The following CHN2 variants were observed in gnomAD, a reference collection of about 807,000 sequenced individuals.
CHN2 encodes beta-chimaerin.
CHN2 carries 35 observed loss-of-function variants against 56.3 expected under a neutral mutation model. That is an observed-to-expected ratio of 0.62 (90% CI 0.47 to 0.82). CHN2 has a LOEUF of 0.82. Among genes scored for constraint, CHN2 ranks in the 40% least tolerant of loss-of-function variants. CHN2 has a pLI of 0.00. For missense variants in CHN2, 491 were observed against 580.5 expected, an observed-to-expected ratio of 0.85 and a Z score of 1.58; for synonymous variants, 210 against 212.8, an observed-to-expected ratio of 0.99 and a Z score of 0.12.
At chr7:29,404,433 A>G (rs1305464871) in intron 6 of CHN2, among the ~76,000 whole-genome samples, 2 of 152,200 alleles carry the variant, frequency 1.3e-5, no homozygotes, top group East Asian at 3.8e-4. Context: ...AGCACATTTA[A>G]GAATATATTA....
intron 7 of CHN2, among the ~76,000 whole-genome samples, chr7:29,480,775 G>A (rs1787111783): frequency 6.6e-6 from 1 of 152,204 alleles, no homozygotes; most frequent in Non-Finnish European, 1.5e-5. Flanking sequence ...TTTGTGTTTT[G>A]TCTTTTGTTT....
At chr7:29,245,017 T>C (rs1787962490) in intron 1 of CHN2, among the ~76,000 whole-genome samples, 1 of 152,192 alleles carries the variant, frequency 6.6e-6, no homozygotes, top group African/African-American at 2.4e-5. Flanking sequence ...TTACCTATGG[T>C]TTCTTGAACA....
At chr7:29,236,209 G>T (rs941974241) in intron 1 of CHN2, among the ~76,000 whole-genome samples, 3 of 152,224 alleles carry the variant, frequency 2.0e-5, no homozygotes, top group Non-Finnish European at 4.4e-5. Context: ...GGGAAGAGTA[G>T]AATTTCTGTG....
At chr7:29,504,719 C>A in intron 9 of CHN2, 25 bp from the exon 10 acceptor site, 1 of 1,418,066 alleles carries the variant, frequency 7.1e-7, no homozygotes, top group Non-Finnish European at 9.7e-7. Flanking sequence ...AAGCTAAAGT[C>A]AGTCTCTCTC....
At chr7:29,340,449 G>A (rs1235152540) in intron 1 of CHN2, among the ~76,000 whole-genome samples, 1 of 152,088 alleles carries the variant, frequency 6.6e-6, no homozygotes, top group Non-Finnish European at 1.5e-5. Context: ...ATCAAACATT[G>A]CAGAGCAGGT....
chr7:29,330,678 C>T (rs536266791), intron 1 of CHN2, among the ~76,000 whole-genome samples: 1 of 152,016 alleles, frequency 6.6e-6, no homozygotes, highest in South Asian at 2.1e-4. Context: ...TGTGTGCAGG[C>T]GTATTATATG....
At chr7:29,273,376 TATATATATATATAC>T (rs1315073128) in intron 1 of CHN2, among the ~76,000 whole-genome samples, 1,381 of 61,296 alleles carry the variant, frequency 0.023, 92 homozygotes, top group Admixed American at 0.029. Context: ...TATATATATA[TATATATATATATAC>T]ACACACCACA....
intron 6 of CHN2, among the ~76,000 whole-genome samples, chr7:29,421,094 T>C (rs1314415428): frequency 6.6e-6 from 1 of 152,160 alleles, no homozygotes; most frequent in Non-Finnish European, 1.5e-5. Flanking sequence ...TGTCCGGCTA[T>C]ATGGGTTTTT....
At position 29,398,494 on chromosome 7, in the gene CHN2, G is replaced by A. The variant is rs765212369; in HGVS notation, c.290+8G>A. 11 of 1,567,024 alleles carry A rather than the reference G, an allele frequency of 7.0e-6. No individual in the cohort carries two copies. The highest frequency in any genetic ancestry group is 6.7e-5 in the Admixed American group (4 of 59,954). ...CTACACGCTGGCTCTCAGGTGAGGC[G>A]CATTTCATTCCTTGTTTTCATTGCT... On this transcript the variant is annotated splice_region_variant and intron_variant, in intron 5 of 12. Coordinates refer to ENST00000222792, the MANE Select transcript of CHN2 (RefSeq NM_004067.4).
intron 1 of CHN2, among the ~76,000 whole-genome samples, chr7:29,293,559 C>T (rs945463297): frequency 6.6e-6 from 1 of 152,194 alleles, no homozygotes; most frequent in Non-Finnish European, 1.5e-5. Context: ...CTCTCTCCTT[C>T]CCTCACTCAG....
intron 1 of CHN2, among the ~76,000 whole-genome samples, chr7:29,240,245 A>T (rs920558701): frequency 2.0e-5 from 3 of 152,194 alleles, no homozygotes; most frequent in African/African-American, 4.8e-5. Context: ...TGCTTATCTG[A>T]AAAGGAGGAT....
At chr7:29,271,336 T>C (rs1423033736) in intron 1 of CHN2, among the ~76,000 whole-genome samples, 1 of 152,230 alleles carries the variant, frequency 6.6e-6, no homozygotes, top group East Asian at 1.9e-4. Context: ...AAACAGGTAA[T>C]GATTAAACGT....
intron 1 of CHN2, among the ~76,000 whole-genome samples, chr7:29,318,861 A>G (rs1325379943): frequency 6.6e-6 from 1 of 152,250 alleles, no homozygotes; most frequent in Non-Finnish European, 1.5e-5. Context: ...CCCATGAAAT[A>G]GAAAGGAAAA....
chr7:29,400,039 G>A (rs1465828404), intron 5 of CHN2, among the ~76,000 whole-genome samples: 1 of 152,126 alleles, frequency 6.6e-6, no homozygotes, highest in Admixed American at 6.5e-5. Flanking sequence ...GGCATGGGGT[G>A]CTCTGCTGGA....
chr7:29,379,704 A>T (rs1202221333), intron 3 of CHN2, among the ~76,000 whole-genome samples: 1 of 152,182 alleles, frequency 6.6e-6, no homozygotes, highest in Non-Finnish European at 1.5e-5. Context: ...GAGTGGCAGG[A>T]TGTGCTCTGG....
In CHN2 at chr7:29,511,154, A is replaced by G. The variant is rs928370610; in HGVS notation, c.1236-1410A>G. Among the ~76,000 whole-genome samples the G allele has an allele frequency of 2.0e-5, 3 of 152,262 alleles. No individual in the cohort carries two copies. In the East Asian group the frequency reaches 5.8e-4, roughly 29 times the overall value. ...TTAGTATGTGAAAAGAAGCAAACGG[A>G]GGACTGTATAAACAGTAGGTATTGA... On this transcript the variant is annotated intron_variant, in intron 12 of 12. Transcript: ENST00000222792.
intron 2 of CHN2, among the ~76,000 whole-genome samples, chr7:29,150,337 G>T (rs907799122): frequency 1.3e-5 from 2 of 152,194 alleles, no homozygotes; most frequent in East Asian, 3.8e-4. Flanking sequence ...CATATAAAGT[G>T]CTTGTCATAT....
rs1483834059 is a variant in CHN2, at chr7:29,464,418, T to G, written c.577-15861T>G. Among the ~76,000 whole-genome samples, 4 of 152,318 alleles carry G rather than the reference T, an allele frequency of 2.6e-5. No individual in the cohort carries two copies. In the South Asian group the frequency reaches 6.2e-4, roughly 24 times the overall value. ...AACTAATATTTTAAGGAACATGAAT[T>G]TGAAACCTGACTGGATGATATAGAA... On this transcript the variant is annotated intron_variant, in intron 6 of 12. Coordinates refer to ENST00000222792, the MANE Select transcript of CHN2 (RefSeq NM_004067.4).
At chr7:29,218,588 T>C (rs1785516549) in intron 1 of CHN2, among the ~76,000 whole-genome samples, 1 of 151,880 alleles carries the variant, frequency 6.6e-6, no homozygotes, top group Non-Finnish European at 1.5e-5. Context: ...ATTAAGAAAA[T>C]GTGGCATATA....
Sources: allele counts gnomAD v4.1 joint callset (sites outside exome capture counted in the v4.1 genomes callset), GRCh38; gene constraint gnomAD v4.1.1; transcripts MANE v1.5; gene names NCBI Gene and HGNC (gene_info 2026-07-23, HGNC 2026-07-21).